VWC2L: variants seen among roughly 807,000 people sequenced by gnomAD.
VWC2L encodes von Willebrand factor C domain-containing protein 2-like.
Under a neutral mutation model 21.6 loss-of-function variants are expected in VWC2L, and 10 were observed. That is an observed-to-expected ratio of 0.46 (90% confidence interval 0.29 to 0.78). The LOEUF is 0.78. Ranked by LOEUF, VWC2L falls within the 30% of genes least tolerant of loss-of-function variation. The probability of loss-of-function intolerance (pLI) is 0.10; values close to 1 mark genes in which losing one functional copy is unlikely to be tolerated. For synonymous variants in VWC2L, 96 were observed against 94.3 expected (o/e 1.02, Z -0.10); for missense variants, 209 against 277.1 (o/e 0.75, Z 1.74).
At chr2:214,452,106 T>G (rs1702964850) in intron 3 of VWC2L, among the ~76,000 whole-genome samples, 2 of 152,196 alleles carry the variant, frequency 1.3e-5, no homozygotes, top group Non-Finnish European at 2.9e-5. Flanking sequence ...GCACTCTGTA[T>G]GCATGGAATC....
intron 3 of VWC2L, among the ~76,000 whole-genome samples, chr2:214,569,803 C>A (rs1394943477): frequency 6.6e-6 from 1 of 152,176 alleles, no homozygotes; most frequent in Non-Finnish European, 1.5e-5. Flanking sequence ...TGATCCTCTC[C>A]TTTAGAGCAC....
In VWC2L at chr2:214,577,905, T is replaced by C. The variant is rs1369563765; in HGVS notation, c.*2085T>C. On this transcript the variant is annotated 3_prime_UTR_variant, in exon 4 of 4. Coordinates refer to ENST00000312504, the MANE Select transcript of VWC2L (RefSeq NM_001080500.4). ...AGGAAGAGCATCAAGCCACCTTCCC[T>C]TAGAACACCAATTTGCAGCAAGGTT... 7.9e-5 allele frequency: 12 copies of C among 152,158 alleles called. No individual in the cohort carries two copies. The allele number at this position is 152,158 out of a possible 1,614,324, so 9.4% of individuals were successfully genotyped here.
At chr2:214,556,978 C>CT (rs751264548) in intron 3 of VWC2L, among the ~76,000 whole-genome samples, 23 of 152,198 alleles carry the variant, frequency 1.5e-4, no homozygotes, top group Admixed American at 1.5e-3. Flanking sequence ...TACAGCAACC[C>CT]TACAGGGGCA....
rs1025704674 is a variant in VWC2L, at chr2:214,576,518, T to C, written c.*698T>C. 22 of 152,218 alleles carry C rather than the reference T, an allele frequency of 1.4e-4. No individual in the cohort carries two copies. The highest frequency in any genetic ancestry group is 4.8e-4 in the African/African-American group (20 of 41,518). 9.4% of individuals were successfully genotyped at this position (152,218 alleles called of 1,614,324 possible). Reference sequence around the variant, plus strand: ...AACCACACATTTCATATGGAAAACCTCGAAACTGCCAATCAAAATCTATTA... The same window carrying C: ...AACCACACATTTCATATGGAAAACCCCGAAACTGCCAATCAAAATCTATTA... On this transcript the variant is annotated 3_prime_UTR_variant, in exon 4 of 4. Transcript: ENST00000312504.
chr2:214,457,277 T>C (rs537336190), intron 3 of VWC2L, among the ~76,000 whole-genome samples: 2 of 152,212 alleles, frequency 1.3e-5, no homozygotes, highest in South Asian at 2.1e-4. Flanking sequence ...AGTCTTGTAA[T>C]TCCTTTTAAA....
In VWC2L at chr2:214,573,565, C is replaced by A. The variant is rs79299787; in HGVS notation, c.521-2107C>A. On this transcript the variant is annotated intron_variant, in intron 3 of 3. Transcript: ENST00000312504. ...AAAGCTAGGTTGGCCCTGGCAAGAC[C>A]CTGTTTGGCCTAGAACTGGCTGGGC... Among the ~76,000 whole-genome samples, 535 of 152,164 alleles carry A rather than the reference C, an allele frequency of 3.5e-3. 1 individual carries two copies. The highest frequency in any genetic ancestry group is 6.8e-3 in the Middle Eastern group (2 of 294).
chr2:214,540,841 A>G (rs191772024), intron 3 of VWC2L, among the ~76,000 whole-genome samples: 36 of 152,318 alleles, frequency 2.4e-4, no homozygotes, highest in Non-Finnish European at 4.4e-4. Flanking sequence ...AAGAGTGTCA[A>G]AATGTTCTGT....
Position 214,436,375 on chromosome 2 carries a change from G to A in VWC2L, c.391-254G>A. 3 of 357,280 alleles carry A rather than the reference G, an allele frequency of 8.4e-6. No homozygotes were observed. The South Asian group carries it at 1.7e-4, about 20-fold the overall frequency. The allele number at this position is 357,280 out of a possible 1,614,324, so 22.1% of individuals were successfully genotyped here. ...TATGCAAATATTTCTCTGGAAAGTA[G>A]GAACATAAGATATAGGAAAAGTCAT... On this transcript the variant is annotated intron_variant, in intron 2 of 3. Coordinates refer to ENST00000312504, the MANE Select transcript of VWC2L (RefSeq NM_001080500.4).
chr2:214,516,410 T>C (rs558583276), intron 3 of VWC2L, among the ~76,000 whole-genome samples: 23 of 152,232 alleles, frequency 1.5e-4, no homozygotes, highest in African/African-American at 4.8e-4. Flanking sequence ...ACAATGAATC[T>C]TGTGAATCAA....
chr2:214,577,899 C>T lies in VWC2L; in HGVS notation c.*2079C>T, dbSNP rs1452118047. 3 of 152,172 alleles carry T rather than the reference C, an allele frequency of 2.0e-5. No individual in the cohort carries two copies. Among genetic ancestry groups the T allele is most frequent in the African/African-American group, 7.2e-5 (3 of 41,452 alleles). The allele number at this position is 152,172 out of a possible 1,614,324, so 9.4% of individuals were successfully genotyped here. On this transcript the variant is annotated 3_prime_UTR_variant, in exon 4 of 4. Coordinates refer to ENST00000312504, the MANE Select transcript of VWC2L (RefSeq NM_001080500.4). ...ATCCCGAGGAAGAGCATCAAGCCAC[C>T]TTCCCTTAGAACACCAATTTGCAGC...
intron 3 of VWC2L, among the ~76,000 whole-genome samples, chr2:214,517,841 G>A (rs1312290298): frequency 3.3e-5 from 5 of 152,188 alleles, no homozygotes; most frequent in Admixed American, 3.3e-4. Context: ...TTGAACTCAT[G>A]AGAAAGCAAA....
intron 3 of VWC2L, among the ~76,000 whole-genome samples, chr2:214,518,656 C>A (rs546127851): frequency 6.6e-6 from 1 of 152,124 alleles, no homozygotes; most frequent in South Asian, 2.1e-4. Context: ...CTTTCGAATA[C>A]CTCACAGTAG....
At chr2:214,465,915 A>C (rs947845050) in intron 3 of VWC2L, among the ~76,000 whole-genome samples, 4 of 152,094 alleles carry the variant, frequency 2.6e-5, no homozygotes, top group Admixed American at 2.0e-4. Flanking sequence ...CAGGGCACTG[A>C]GTTCCAATGC....
chr2:214,422,211 A>G (rs1246430470), intron 2 of VWC2L, among the ~76,000 whole-genome samples: 1 of 152,050 alleles, frequency 6.6e-6, no homozygotes, highest in Non-Finnish European at 1.5e-5. Flanking sequence ...TTATTTCATA[A>G]CACAGGCCTA....
At chr2:214,447,467 T>A (rs1057287802) in intron 3 of VWC2L, among the ~76,000 whole-genome samples, 2 of 152,184 alleles carry the variant, frequency 1.3e-5, no homozygotes, top group Non-Finnish European at 1.5e-5. Flanking sequence ...GGAAGTTACA[T>A]TCACTTCTTC....
chr2:214,433,029 A>AG (rs1229043854), intron 2 of VWC2L, among the ~76,000 whole-genome samples: 1 of 137,454 alleles, frequency 7.3e-6, no homozygotes, highest in East Asian at 2.0e-4. Flanking sequence ...CTCAAGAAGA[A>AG]AAAAAAAAAA....
intron 3 of VWC2L, among the ~76,000 whole-genome samples, chr2:214,445,029 G>T (rs1702817691): frequency 1.3e-5 from 2 of 151,716 alleles, no homozygotes; most frequent in Admixed American, 1.3e-4. Context: ...TCATCTGTAA[G>T]TTTTTTCATA....
At chr2:214,455,803 T>C (rs1703047917) in intron 3 of VWC2L, among the ~76,000 whole-genome samples, 1 of 152,192 alleles carries the variant, frequency 6.6e-6, no homozygotes, top group African/African-American at 2.4e-5. Flanking sequence ...ATGTGAGTAT[T>C]TCTCTTTCTG....
At position 214,487,439 on chromosome 2, in the gene VWC2L, A is replaced by G. The variant is rs945219321; in HGVS notation, c.520+50681A>G. Among the ~76,000 whole-genome samples, 9 of 152,190 alleles carry G rather than the reference A, an allele frequency of 5.9e-5. 1 individual carries two copies. The highest frequency in any genetic ancestry group is 4.1e-4 in the South Asian group (2 of 4,828). On this transcript the variant is annotated intron_variant, in intron 3 of 3. Transcript: ENST00000312504. ...CTTTTAAGAGGTTTTCAAGCCTCCT[A>G]AAGACAAAACAAGGAAAGATATCAC...
Sources: gnomAD v4.1 joint callset for allele counts (sites outside exome capture counted in the v4.1 genomes callset) on GRCh38, gnomAD v4.1.1 for gene constraint, MANE v1.5 for transcripts, NCBI Gene and HGNC (gene_info 2026-07-23, HGNC 2026-07-21) for gene names.